Variants in MSI2 observed in about 807,000 individuals in gnomAD.
MSI2 encodes RNA-binding protein Musashi homolog 2.
MSI2 carries 17 observed loss-of-function variants against 45.6 expected under a neutral mutation model. That is an observed-to-expected ratio of 0.37 (90% confidence interval 0.26 to 0.56). The LOEUF (loss-of-function observed/expected upper bound fraction) is 0.56, where lower values mean the gene tolerates loss of function less well. Ranked by LOEUF, MSI2 falls within the 20% of genes least tolerant of loss-of-function variation. The pLI is 0.77. For synonymous variants in MSI2, 156 were observed against 158.2 expected, an observed-to-expected ratio of 0.99 and a Z score of 0.11; for missense variants, 293 against 444.2, an observed-to-expected ratio of 0.66 and a Z score of 3.06.
chr17:57,458,001 A>G (rs1374364432), intron 6 of MSI2, among the ~76,000 whole-genome samples: 1 of 152,184 alleles, frequency 6.6e-6, no homozygotes, highest in Non-Finnish European at 1.5e-5. Flanking sequence ...ATTTTTATCA[A>G]CTGGGCATAT....
intron 6 of MSI2, among the ~76,000 whole-genome samples, chr17:57,514,344 A>C (rs1371106288): frequency 6.6e-6 from 1 of 152,240 alleles, no homozygotes; most frequent in African/African-American, 2.4e-5. Context: ...TTATAAAGTT[A>C]GCAAGTGGAG....
chr17:57,400,430 C>T (rs1244626976), intron 5 of MSI2, among the ~76,000 whole-genome samples: 1 of 152,058 alleles, frequency 6.6e-6, no homozygotes, highest in Non-Finnish European at 1.5e-5. Flanking sequence ...GGAAATGTGG[C>T]CACATTTTTT....
chr17:57,526,356 G>GTGTGTGTGT (rs2086695720), intron 6 of MSI2, among the ~76,000 whole-genome samples: 2 of 122,562 alleles, frequency 1.6e-5, no homozygotes, highest in African/African-American at 3.2e-5. Flanking sequence ...GATATACCTG[G>GTGTGTGTGT]GTGTGTGTGT....
intron 5 of MSI2, among the ~76,000 whole-genome samples, chr17:57,321,415 GC>G (rs1913333203): frequency 6.6e-6 from 1 of 152,052 alleles, no homozygotes; most frequent in African/African-American, 2.4e-5. Context: ...ATCAAAGAAA[GC>G]CCCCCTCCCA....
At chr17:57,545,873 T>C (rs896257920) in intron 7 of MSI2, among the ~76,000 whole-genome samples, 2 of 152,140 alleles carry the variant, frequency 1.3e-5, no homozygotes, top group Admixed American at 1.3e-4. Flanking sequence ...GGCCACCGGC[T>C]TATCTGGCGC....
At chr17:57,454,320 G>A (rs1473989650) in intron 6 of MSI2, among the ~76,000 whole-genome samples, 1 of 152,094 alleles carries the variant, frequency 6.6e-6, no homozygotes, top group Non-Finnish European at 1.5e-5. Context: ...TCCATATACT[G>A]TTCTGAAGGG....
At chr17:57,259,883 A>G (rs1173712767) in intron 4 of MSI2, 1 of 152,224 alleles carries the variant, frequency 6.6e-6, no homozygotes. Context: ...TATCAGGTGC[A>G]AAGCCTGCAG....
intron 5 of MSI2, among the ~76,000 whole-genome samples, chr17:57,332,060 T>C (rs1267848813): frequency 1.3e-5 from 2 of 152,010 alleles, no homozygotes; most frequent in East Asian, 1.9e-4. Flanking sequence ...TGAACCTTTC[T>C]CCTTTTGATG....
intron 7 of MSI2, among the ~76,000 whole-genome samples, chr17:57,539,630 GCTTTTTGTTTCCATAAA>G (rs2086998065): frequency 1.3e-4 from 1 of 7,606 alleles, no homozygotes; most frequent in Non-Finnish European, 2.5e-4. Context: ...GACAGAGGTT[GCTTTTTGTTTCCATAAA>G]CAGATGATCT....
chr17:57,575,155 C>T (rs891261063), intron 7 of MSI2, among the ~76,000 whole-genome samples: 2 of 141,166 alleles, frequency 1.4e-5, no homozygotes, highest in Admixed American at 7.0e-5. Context: ...ACTCCCTCCC[C>T]CCGCCACCCC....
At chr17:57,468,759 G>A (rs1164500743) in intron 6 of MSI2, among the ~76,000 whole-genome samples, 1 of 152,040 alleles carries the variant, frequency 6.6e-6, no homozygotes, top group Non-Finnish European at 1.5e-5. Context: ...CCAGAACGCG[G>A]GTCTCTTGGG....
In MSI2 at chr17:57,295,288, A is replaced by G. The variant is rs1219119517; in HGVS notation, c.312+33096A>G. On this transcript the variant is annotated intron_variant, in intron 5 of 13. Transcript: ENST00000284073. Reference sequence around the variant, plus strand: ...GCCCTGCCGCCCTGCTTGCTTAGGGAGATGGCTGACAGTTGGCAAGGAGGG... The same window carrying G: ...GCCCTGCCGCCCTGCTTGCTTAGGGGGATGGCTGACAGTTGGCAAGGAGGG... Among the ~76,000 whole-genome samples the G allele has an allele frequency of 2.0e-5, 3 of 151,950 alleles. No homozygotes were observed. In the East Asian group the frequency reaches 5.8e-4, roughly 29 times the overall value.
intron 10 of MSI2, among the ~76,000 whole-genome samples, chr17:57,650,100 GT>G (rs906699163): frequency 1.1e-4 from 17 of 150,600 alleles, no homozygotes; most frequent in African/African-American, 2.4e-4. Context: ...TCTTGGATAA[GT>G]TTTTTTTTTC....
chr17:57,262,165 T>G lies in MSI2; in HGVS notation c.285T>G (p.Val95=), dbSNP rs555639930. ...ELDSKTIDPK[V]AFPRRAQPKM... Reference sequence around the variant, plus strand: ...TTTTTTCCCAGATTGACCCCAAAGTTGCATTTCCTCGTCGAGCGCAACCCA... The same window carrying G: ...TTTTTTCCCAGATTGACCCCAAAGTGGCATTTCCTCGTCGAGCGCAACCCA... Residue 95 remains valine (V), a synonymous_variant, in exon 5 of 14, where the codon GTT becomes GTG. Transcript: ENST00000284073. 6.2e-7 allele frequency: 1 copy of G among 1,614,124 alleles called. No homozygotes were observed. The highest frequency in any genetic ancestry group is 2.2e-5 in the East Asian group (1 of 44,888).
chr17:57,607,121 T>G (rs150020073), intron 8 of MSI2, among the ~76,000 whole-genome samples: 8 of 152,222 alleles, frequency 5.3e-5, no homozygotes, highest in Non-Finnish European at 8.8e-5. Flanking sequence ...CTTTGAGGAC[T>G]TCTGTGTGCC....
At chr17:57,589,647 T>C (rs955076267) in intron 7 of MSI2, among the ~76,000 whole-genome samples, 1 of 152,128 alleles carries the variant, frequency 6.6e-6, no homozygotes, top group African/African-American at 2.4e-5. Context: ...GCCAGGCCGG[T>C]CCCTCTCATG....
At chr17:57,486,151 G>A (rs2085750568) in intron 6 of MSI2, among the ~76,000 whole-genome samples, 1 of 152,238 alleles carries the variant, frequency 6.6e-6, no homozygotes, top group African/African-American at 2.4e-5. Flanking sequence ...TAGAAGCAGT[G>A]TTTTGGCTGC....
chr17:57,687,498 T>C (rs904894587), downstream of MSI2, among the ~76,000 whole-genome samples: 3 of 151,670 alleles, frequency 2.0e-5, no homozygotes, highest in South Asian at 6.2e-4. Context: ...AACCAAAAAA[T>C]TCAGGGGAAT....
chr17:57,427,659 A>G (rs911031752), intron 6 of MSI2, among the ~76,000 whole-genome samples: 3 of 152,338 alleles, frequency 2.0e-5, no homozygotes, highest in East Asian at 1.9e-4. Flanking sequence ...GTCATTAATT[A>G]TTAATACATT....
Sources: gnomAD v4.1 joint callset for allele counts (sites outside exome capture counted in the v4.1 genomes callset) on GRCh38, gnomAD v4.1.1 for gene constraint, MANE v1.5 for transcripts, NCBI Gene and HGNC (gene_info 2026-07-23, HGNC 2026-07-21) for gene names.